NOS1: variants seen among roughly 807,000 people sequenced by gnomAD.
NOS1 encodes the protein NOS type I.
NOS1 carries 51 observed loss-of-function variants against 164.5 expected under a neutral mutation model. That is an observed-to-expected ratio of 0.31 (90% CI 0.25 to 0.39). NOS1 has a LOEUF of 0.39. Ranked by LOEUF, NOS1 falls within the 10% of genes least tolerant of loss-of-function variation. The probability of loss-of-function intolerance (pLI) is 1.00; values close to 1 mark genes in which losing one functional copy is unlikely to be tolerated. For missense variants in NOS1, 1,362 were observed against 1,885.6 expected, an observed-to-expected ratio of 0.72 and a Z score of 5.14; for synonymous variants, 719 against 745.8, an observed-to-expected ratio of 0.96 and a Z score of 0.59.
intron 24 of NOS1, 139 bp from the exon 25 acceptor site, chr12:117,225,276 C>T: frequency 8.7e-7 from 1 of 1,145,940 alleles, no homozygotes; most frequent in Admixed American, 2.9e-5. Flanking sequence ...CCAGGTGCCC[C>T]TTTCCAGGGT....
chr12:117,262,389 T>G (rs1592962886), intron 13 of NOS1, among the ~76,000 whole-genome samples: 3 of 100,894 alleles, frequency 3.0e-5, no homozygotes, highest in African/African-American at 1.2e-4. Context: ...GGCTGGGGGA[T>G]GGGATTAGGG....
rs183630283 is a variant in NOS1, at chr12:117,259,975, C to T, written c.2367+490G>A. ...TCTACTAAAAACACAAAAAATTAGCCGAACGTGGTGGTGGGCGCCTGCAGT... is the reference window on the plus strand; with the variant it reads ...TCTACTAAAAACACAAAAAATTAGCTGAACGTGGTGGTGGGCGCCTGCAGT... On this transcript the variant is annotated intron_variant, in intron 14 of 28. Transcript: ENST00000317775. Among the ~76,000 whole-genome samples the T allele has an allele frequency of 1.2e-4, 18 of 152,040 alleles. No homozygotes were observed. The East Asian group carries it at 1.8e-3, about 15-fold the overall frequency.
At chr12:117,271,956 C>T (rs907775659) in intron 10 of NOS1, among the ~76,000 whole-genome samples, 3 of 152,162 alleles carry the variant, frequency 2.0e-5, no homozygotes, top group African/African-American at 7.2e-5. Flanking sequence ...CATCCTCAAG[C>T]TCTTCTAACA....
intron 2 of NOS1, among the ~76,000 whole-genome samples, chr12:117,319,070 A>T (rs1330719565): frequency 6.6e-6 from 1 of 152,038 alleles, no homozygotes; most frequent in East Asian, 1.9e-4. Context: ...ATGCTTTATT[A>T]TTATTATTAT....
intron 1 of NOS1, among the ~76,000 whole-genome samples, chr12:117,352,285 T>C (rs748579060): frequency 6.6e-6 from 1 of 152,118 alleles, no homozygotes; most frequent in Non-Finnish European, 1.5e-5. Flanking sequence ...GGCGTGGGCC[T>C]GGGGGAAAGC....
intron 9 of NOS1, among the ~76,000 whole-genome samples, chr12:117,277,272 GTT>G (rs1418283636): frequency 6.6e-6 from 1 of 151,870 alleles, no homozygotes; most frequent in African/African-American, 2.4e-5. Context: ...ATCCTATAGA[GTT>G]TTAAACAGTT....
Position 117,212,405 on chromosome 12 carries a change from A to C in NOS1, c.*2904T>G, listed in dbSNP as rs1956543146. ...TCTGAAGTGTCCCCCCGCAAAAGAA[A>C]GACACCTGGCTGTCTCACTCCAGGG... On this transcript the variant is annotated 3_prime_UTR_variant, in exon 29 of 29. Coordinates refer to ENST00000317775, the MANE Select transcript of NOS1 (RefSeq NM_000620.5). The C allele has an allele frequency of 2.0e-6, 2 of 985,290 alleles. No individual in the cohort carries two copies. The highest frequency in any genetic ancestry group is 2.4e-6 in the Non-Finnish European group (2 of 829,940). The allele number at this position is 985,290 out of a possible 1,614,324, so 61.0% of individuals were successfully genotyped here.
At chr12:117,269,306 T>A (rs866832304) in intron 10 of NOS1, among the ~76,000 whole-genome samples, 7 of 151,766 alleles carry the variant, frequency 4.6e-5, no homozygotes, top group Admixed American at 4.6e-4. Flanking sequence ...ATCTTAGATA[T>A]GGAAAGAAGA....
intron 18 of NOS1, among the ~76,000 whole-genome samples, chr12:117,244,239 T>C (rs1017536050): frequency 1.3e-5 from 2 of 152,176 alleles, no homozygotes; most frequent in African/African-American, 4.8e-5. Flanking sequence ...TAAGAATTGC[T>C]GTCCTTATTT....
intron 1 of NOS1, among the ~76,000 whole-genome samples, chr12:117,343,975 CAT>C (rs1414980847): frequency 6.6e-6 from 1 of 152,142 alleles, no homozygotes; most frequent in East Asian, 1.9e-4. Context: ...AAATAGAAAA[CAT>C]AAACTACAAT....
At chr12:117,231,735 A>G (rs535739500) in intron 22 of NOS1, among the ~76,000 whole-genome samples, 1 of 152,340 alleles carries the variant, frequency 6.6e-6, no homozygotes, top group Admixed American at 6.5e-5. Context: ...TTTCTGTTGT[A>G]GCCAGGGAAC....
In NOS1 at chr12:117,234,894, G is replaced by GC. The variant is rs1869572030; in HGVS notation, c.3042-137dup. 3.6e-6 allele frequency: 2 copies of GC among 556,376 alleles called. No homozygotes were observed. The highest frequency in any genetic ancestry group is 3.1e-6 in the Non-Finnish European group (1 of 327,700). The allele number at this position is 556,376 out of a possible 1,614,324, so 34.5% of individuals were successfully genotyped here. ...TGGGGCCCGTGCTAACCAAGCCTATGCCCCCATCATTCTATTATTATTATT... is the reference window on the plus strand; with the variant it reads ...TGGGGCCCGTGCTAACCAAGCCTATGCCCCCCATCATTCTATTATTATTATT... On this transcript the variant is annotated intron_variant, in intron 20 of 28. Transcript: ENST00000317775. This position sits in a 1 kb window ranked among gnomAD's most constrained non-coding sequence, Gnocchi z 4.3.
chr12:117,266,853 T>G (rs1412998851), intron 11 of NOS1, among the ~76,000 whole-genome samples: 1 of 152,160 alleles, frequency 6.6e-6, no homozygotes, highest in Non-Finnish European at 1.5e-5. Context: ...TCATTGTTCA[T>G]CTCAATTACA....
In NOS1 at chr12:117,213,248, T is replaced by G. The variant is rs1346689378; in HGVS notation, c.*2061A>C. On this transcript the variant is annotated 3_prime_UTR_variant, in exon 29 of 29. Transcript: ENST00000317775. ...CCTTCCCTGGGGAATTGGGGAGGCG[T>G]CTCCAAAGCTATAAAGGATTGGAAA... 2 of 985,162 alleles carry G rather than the reference T, an allele frequency of 2.0e-6. No homozygotes were observed. Among genetic ancestry groups the G allele is most frequent in the Admixed American group, 1.2e-4 (2 of 16,236 alleles). 61.0% of individuals were successfully genotyped at this position (985,162 alleles called of 1,614,324 possible). A position where few individuals can be genotyped will look rare whatever the true frequency, so the allele number is the denominator to read the frequency against.
rs1566078816 is a variant in NOS1 at position 117,330,284 on chromosome 12, GCACACACACAAGCATGCACACACA to G, written c.725+37_725+60del. ...AGGCTGAGTCTCAGTAGACGCACAT[GCACACACACAAGCATGCACACACA>G]CACACACACACACACACACACCCCT... On this transcript the variant is annotated intron_variant, in intron 2 of 28. Transcript: ENST00000317775. This position sits in a 1 kb window ranked among gnomAD's most constrained non-coding sequence, Gnocchi z 4.6. 1 of 1,514,718 alleles carries G rather than the reference GCACACACACAAGCATGCACACACA, an allele frequency of 6.6e-7. No individual in the cohort carries two copies. The highest frequency in any genetic ancestry group is 8.8e-7 in the Non-Finnish European group (1 of 1,131,626). 93.8% of individuals were successfully genotyped at this position (1,514,718 alleles called of 1,614,324 possible).
chr12:117,278,942 A>T (rs937087664), intron 8 of NOS1, among the ~76,000 whole-genome samples: 1 of 150,216 alleles, frequency 6.7e-6, no homozygotes, highest in African/African-American at 2.4e-5. Context: ...TAATTTATTA[A>T]TAATAAATTA....
Position 117,215,229 on chromosome 12 carries a change from A to G in NOS1, c.*80T>C. On this transcript the variant is annotated 3_prime_UTR_variant, in exon 29 of 29. Transcript: ENST00000317775. ...AAGGACAGGAGGCAGAGCGAGGGCCACAGGGGGTCCCAGAGGAAAGGTTCA... is the reference window on the plus strand; with the variant it reads ...AAGGACAGGAGGCAGAGCGAGGGCCGCAGGGGGTCCCAGAGGAAAGGTTCA... The G allele has an allele frequency of 7.0e-7, 1 of 1,421,010 alleles. No homozygotes were observed. The highest frequency in any genetic ancestry group is 9.3e-7 in the Non-Finnish European group (1 of 1,077,792). The allele number at this position is 1,421,010 out of a possible 1,614,324, so 88.0% of individuals were successfully genotyped here.
chr12:117,351,945 C>T (rs1463636266), intron 1 of NOS1, among the ~76,000 whole-genome samples: 2 of 152,108 alleles, frequency 1.3e-5, no homozygotes, highest in Admixed American at 6.6e-5. Context: ...TTTTGGGAGG[C>T]CCAGGTGGGT....
chr12:117,244,181 C>CTT (rs1169893493), intron 18 of NOS1, among the ~76,000 whole-genome samples: 25 of 144,908 alleles, frequency 1.7e-4, no homozygotes, highest in African/African-American at 6.3e-4. Flanking sequence ...ATACATTTTT[C>CTT]TTTTTTTTTT....
Sources: allele counts gnomAD v4.1 joint callset (sites outside exome capture counted in the v4.1 genomes callset), GRCh38; gene constraint gnomAD v4.1.1; non-coding constraint Gnocchi (gnomAD v3.1); transcripts MANE v1.5; gene names NCBI Gene and HGNC (gene_info 2026-07-23, HGNC 2026-07-21).